TMEM178A: variants seen among roughly 807,000 people sequenced by gnomAD.
TMEM178A encodes transmembrane protein 178.
A neutral mutation model predicts 29.1 loss-of-function variants in TMEM178A; 12 were observed. The observed-to-expected ratio is 0.41, with a 90% CI of 0.26 to 0.67. The LOEUF (loss-of-function observed/expected upper bound fraction) is 0.67, where lower values mean the gene tolerates loss of function less well. TMEM178A is among the 30% of genes least tolerant of loss of function. The pLI, the probability that TMEM178A is intolerant of heterozygous loss-of-function variation, is 0.29. For synonymous variants in TMEM178A, 210 were observed against 187.2 expected, an observed-to-expected ratio of 1.12 and a Z score of -0.99; for missense variants, 366 against 419.1, an observed-to-expected ratio of 0.87 and a Z score of 1.11.
downstream of TMEM178A, among the ~76,000 whole-genome samples, chr2:39,721,454 T>C (rs369499650): frequency 2.6e-5 from 4 of 152,188 alleles, no homozygotes; most frequent in East Asian, 3.8e-4. Flanking sequence ...CACTATAAAA[T>C]ACTGCCTGCT....
downstream of TMEM178A, among the ~76,000 whole-genome samples, chr2:39,722,353 A>C (rs1271490571): frequency 1.3e-5 from 2 of 152,148 alleles, no homozygotes; most frequent in Non-Finnish European, 2.9e-5. Context: ...AAAACTGCTA[A>C]GTTTTATGGT....
At chr2:39,673,445 G>A (rs941641198) in intron 1 of TMEM178A, among the ~76,000 whole-genome samples, 1 of 152,214 alleles carries the variant, frequency 6.6e-6, no homozygotes, top group East Asian at 1.9e-4. Flanking sequence ...ATGTCCTCCA[G>A]TGTTCAGACT....
intron 1 of TMEM178A, among the ~76,000 whole-genome samples, chr2:39,692,183 G>A (rs185795216): frequency 6.6e-6 from 1 of 152,164 alleles, no homozygotes; most frequent in Admixed American, 6.5e-5. Context: ...GGAATGGGAA[G>A]ATGGATGCTG....
intron 3 of TMEM178A, 91 bp from the exon 4 acceptor site, chr2:39,716,919 T>C (rs1672563474): frequency 1.4e-6 from 2 of 1,441,560 alleles, no homozygotes; most frequent in African/African-American, 1.4e-5. Flanking sequence ...GCCTCAGTGG[T>C]TGATCTGATT....
At chr2:39,690,918 C>T (rs895453371) in intron 1 of TMEM178A, among the ~76,000 whole-genome samples, 23 of 152,112 alleles carry the variant, frequency 1.5e-4, no homozygotes, top group Non-Finnish European at 4.4e-5. Context: ...AATTCTGAAG[C>T]AGAAGATACT....
At chr2:39,671,029 A>C (rs866873667) in intron 1 of TMEM178A, among the ~76,000 whole-genome samples, 1 of 152,214 alleles carries the variant, frequency 6.6e-6, no homozygotes, top group South Asian at 2.1e-4. Flanking sequence ...CTGTATGCAC[A>C]ATGCTGACCT....
chr2:39,669,979 T>G (rs2716691), intron 1 of TMEM178A, among the ~76,000 whole-genome samples: 76,612 of 152,094 alleles, frequency 0.5, 20,256 homozygotes, highest in East Asian at 0.87. Flanking sequence ...GTCAGTTGAC[T>G]CTAAATTAGT....
chr2:39,723,182 T>C, the TMEM178A span, among the ~76,000 whole-genome samples: 1 of 152,366 alleles, frequency 6.6e-6, no homozygotes, highest in Non-Finnish European at 1.5e-5. Context: ...ATACTTGCTT[T>C]AGAAACCTAG....
chr2:39,669,710 T>G (rs902880196), intron 1 of TMEM178A, among the ~76,000 whole-genome samples: 2 of 152,212 alleles, frequency 1.3e-5, no homozygotes, highest in African/African-American at 4.8e-5. Context: ...AAACAAAATA[T>G]TTGCCAGCAT....
intron 1 of TMEM178A, among the ~76,000 whole-genome samples, chr2:39,698,589 TATAC>T (rs1245722326): frequency 6.6e-6 from 1 of 152,222 alleles, no homozygotes; most frequent in Admixed American, 6.5e-5. Context: ...TTTGCATATC[TATAC>T]ATAAGGAATA....
chr2:39,678,206 A>G (rs1558445142), intron 1 of TMEM178A, among the ~76,000 whole-genome samples: 1 of 152,234 alleles, frequency 6.6e-6, no homozygotes, highest in Non-Finnish European at 1.5e-5. Flanking sequence ...AGAACCAAAT[A>G]TCCCAGCAAT....
chr2:39,672,573 T>C (rs1017753727), intron 1 of TMEM178A, among the ~76,000 whole-genome samples: 12 of 152,278 alleles, frequency 7.9e-5, no homozygotes, highest in African/African-American at 2.9e-4. Context: ...TCACTCAGGC[T>C]AGAGCTGAGT....
At chr2:39,721,341 G>A (rs1210178655), downstream of TMEM178A, among the ~76,000 whole-genome samples, 14 of 152,248 alleles carry the variant, frequency 9.2e-5, no homozygotes, top group Admixed American at 9.2e-4. Flanking sequence ...ATTAGAATAT[G>A]TCTGCCTGGA....
At chr2:39,676,528 T>C (rs562977500) in intron 1 of TMEM178A, among the ~76,000 whole-genome samples, 3 of 152,198 alleles carry the variant, frequency 2.0e-5, no homozygotes, top group Non-Finnish European at 4.4e-5. Context: ...ACCGGTCTCA[T>C]TGGCTAGAAT....
downstream of TMEM178A, among the ~76,000 whole-genome samples, chr2:39,718,274 G>T (rs777653065): frequency 2.0e-5 from 3 of 151,660 alleles, no homozygotes; most frequent in Non-Finnish European, 4.4e-5. Flanking sequence ...TATGTATCCA[G>T]TCATAAGGAT....
At chr2:39,667,577 A>G (rs911329067) in intron 1 of TMEM178A, among the ~76,000 whole-genome samples, 2 of 152,236 alleles carry the variant, frequency 1.3e-5, no homozygotes, top group Admixed American at 6.5e-5. Context: ...GTTGAGTTAC[A>G]GCCTGGAATG....
At chr2:39,704,285 T>C in intron 2 of TMEM178A, 91 bp downstream of exon 2, 1 of 1,089,806 alleles carries the variant, frequency 9.2e-7, no homozygotes, top group Non-Finnish European at 1.4e-6. Context: ...AGAAGGATGT[T>C]GTTCTTATCC....
At chr2:39,728,176 C>T in the TMEM178A span, among the ~76,000 whole-genome samples, 1,070 of 152,344 alleles carry the variant, frequency 7.0e-3, 10 homozygotes, top group African/African-American at 0.024. Context: ...TACACTCCCA[C>T]CAACAGTGTA....
intron 1 of TMEM178A, among the ~76,000 whole-genome samples, chr2:39,693,277 T>C (rs1250668561): frequency 3.3e-5 from 5 of 152,218 alleles, no homozygotes; most frequent in Admixed American, 3.3e-4. Flanking sequence ...ATTAGACCCA[T>C]GTACTATTAA....
Sources: allele counts gnomAD v4.1 joint callset (sites outside exome capture counted in the v4.1 genomes callset), GRCh38; gene constraint gnomAD v4.1.1; transcripts MANE v1.5; gene names NCBI Gene and HGNC (gene_info 2026-07-23, HGNC 2026-07-21).